Variants in ERBB4 observed in about 807,000 individuals in gnomAD.
ERBB4 encodes the protein receptor tyrosine-protein kinase erbB-4.
Under a neutral mutation model 158.0 loss-of-function variants are expected in ERBB4, and 42 were observed. The observed-to-expected ratio is 0.27, with a 90% CI of 0.21 to 0.34. The LOEUF (loss-of-function observed/expected upper bound fraction) is 0.34. Ranked by LOEUF, ERBB4 falls within the 10% of genes least tolerant of loss-of-function variation. ERBB4 has a pLI of 1.00. For synonymous variants in ERBB4, 583 were observed against 558.7 expected (o/e 1.04, Z -0.61); for missense variants, 1,333 against 1,624.1 (o/e 0.82, Z 3.08).
At chr2:211,816,750 C>G (rs772603413) in intron 3 of ERBB4, among the ~76,000 whole-genome samples, 3 of 152,062 alleles carry the variant, frequency 2.0e-5, no homozygotes, top group Non-Finnish European at 4.4e-5. Flanking sequence ...CTACCACCAA[C>G]AAAACACAGA....
intron 20 of ERBB4, among the ~76,000 whole-genome samples, chr2:211,442,811 C>T (rs1178067832): frequency 1.3e-5 from 2 of 151,954 alleles, no homozygotes; most frequent in Non-Finnish European, 2.9e-5. Context: ...GAGAATTAAA[C>T]ACTAAAATGA....
chr2:212,116,642 T>C (rs1039344880), intron 2 of ERBB4, among the ~76,000 whole-genome samples: 1 of 152,162 alleles, frequency 6.6e-6, no homozygotes, highest in Non-Finnish European at 1.5e-5. Flanking sequence ...AGACAGGGTC[T>C]CACTATGTTA....
intron 1 of ERBB4, among the ~76,000 whole-genome samples, chr2:212,431,332 C>A (rs1336985275): frequency 9.9e-6 from 1 of 101,154 alleles, no homozygotes; most frequent in East Asian, 2.1e-4. Flanking sequence ...AAAAAAAAAC[C>A]TTCGTAACTA....
chr2:211,619,261 A>G lies in ERBB4; in HGVS notation c.2217T>C (p.Pro739=), dbSNP rs557126142. 6.2e-7 allele frequency: 1 copy of G among 1,608,566 alleles called. No individual in the cohort carries two copies. The highest frequency in any genetic ancestry group is 8.5e-7 in the Non-Finnish European group (1 of 1,175,260). The change falls in exon 19 of 28, where the codon CCT becomes CCC. Residue 739 remains proline (P), a synonymous_variant. Coordinates refer to ENST00000342788, the MANE Select transcript of ERBB4 (RefSeq NM_005235.3). ...CAGGAATCTTCACAGTTTCTCCTTCAGGTACCCAAATACCCTTTGGGGAAA... is the reference window on the plus strand; with the variant it reads ...CAGGAATCTTCACAGTTTCTCCTTCGGGTACCCAAATACCCTTTGGGGAAA... ...FGTVYKGIWV[P]EGETVKIPVA...
chr2:211,695,637 TTAA>T (rs2072988568), intron 12 of ERBB4, among the ~76,000 whole-genome samples: 1 of 152,170 alleles, frequency 6.6e-6, no homozygotes, highest in Admixed American at 6.5e-5. Flanking sequence ...TAGCCTCCTG[TTAA>T]TAACATAATA....
intron 7 of ERBB4, among the ~76,000 whole-genome samples, chr2:211,717,849 C>T (rs1255266170): frequency 6.6e-6 from 1 of 152,080 alleles, no homozygotes; most frequent in East Asian, 1.9e-4. Context: ...AAATCTACCC[C>T]CCTCATCCTT....
At chr2:212,485,724 A>C (rs1689937035) in intron 1 of ERBB4, among the ~76,000 whole-genome samples, 1 of 152,182 alleles carries the variant, frequency 6.6e-6, no homozygotes, top group African/African-American at 2.4e-5. Context: ...GTTTATTATT[A>C]TTTCTCAGAG....
At chr2:211,438,975 C>T (rs542129731) in intron 20 of ERBB4, among the ~76,000 whole-genome samples, 1 of 144,142 alleles carries the variant, frequency 6.9e-6, no homozygotes, top group Non-Finnish European at 1.5e-5. Flanking sequence ...CAGATAGTCC[C>T]AATAATATAT....
intron 4 of ERBB4, among the ~76,000 whole-genome samples, chr2:211,757,580 T>C (rs533172058): frequency 1.4e-3 from 219 of 152,250 alleles, no homozygotes; most frequent in African/African-American, 5.2e-3. Context: ...CAAACAGAAG[T>C]GTAAAATGCA....
intron 1 of ERBB4, among the ~76,000 whole-genome samples, chr2:212,473,289 A>T (rs1039435027): frequency 2.0e-5 from 3 of 152,052 alleles, no homozygotes; most frequent in Non-Finnish European, 2.9e-5. Flanking sequence ...TGCAATGGGA[A>T]AATAAGATGA....
At chr2:211,413,675 T>C (rs2063318224) in intron 25 of ERBB4, among the ~76,000 whole-genome samples, 1 of 152,132 alleles carries the variant, frequency 6.6e-6, no homozygotes, top group African/African-American at 2.4e-5. Context: ...GGTTTTCTCT[T>C]CTATGTTCAA....
chr2:211,952,839 T>C (rs1304962728), intron 2 of ERBB4, among the ~76,000 whole-genome samples: 5 of 151,956 alleles, frequency 3.3e-5, no homozygotes, highest in South Asian at 2.1e-4. Flanking sequence ...TCTCTGATAA[T>C]AGCCAGGCAG....
intron 1 of ERBB4, among the ~76,000 whole-genome samples, chr2:212,469,450 C>T (rs1371288097): frequency 1.3e-5 from 2 of 152,200 alleles, no homozygotes; most frequent in African/African-American, 2.4e-5. Context: ...GATAATGATG[C>T]ATCTGCTACA....
At chr2:212,160,191 C>A (rs1258741545) in intron 1 of ERBB4, among the ~76,000 whole-genome samples, 2 of 151,868 alleles carry the variant, frequency 1.3e-5, no homozygotes, top group East Asian at 3.9e-4. Context: ...AGACAAGAAC[C>A]AATTAGTGTC....
At chr2:211,730,937 T>C (rs1042695295) in intron 5 of ERBB4, among the ~76,000 whole-genome samples, 1 of 152,142 alleles carries the variant, frequency 6.6e-6, no homozygotes, top group East Asian at 1.9e-4. Context: ...TGACTGATTA[T>C]TCCTTGTCTG....
At chr2:212,516,953 G>A (rs1201672509) in intron 1 of ERBB4, among the ~76,000 whole-genome samples, 4 of 152,024 alleles carry the variant, frequency 2.6e-5, no homozygotes, top group Non-Finnish European at 5.9e-5. Flanking sequence ...ATGTTTGCAC[G>A]ACTTCCACAA....
At chr2:211,507,067 TTAAC>T (rs142669585) in intron 20 of ERBB4, among the ~76,000 whole-genome samples, 1,665 of 151,894 alleles carry the variant, frequency 0.011, 31 homozygotes, top group African/African-American at 0.038. Context: ...CGATCAGAGA[TTAAC>T]TATGAACATG....
chr2:211,447,448 G>T (rs1180490646), intron 20 of ERBB4, among the ~76,000 whole-genome samples: 2 of 152,034 alleles, frequency 1.3e-5, no homozygotes, highest in African/African-American at 4.8e-5. Context: ...CTTACGCAAA[G>T]ATATGAAAAT....
At chr2:211,627,936 C>T (rs1238184215) in intron 17 of ERBB4, among the ~76,000 whole-genome samples, 2 of 152,100 alleles carry the variant, frequency 1.3e-5, no homozygotes, top group Admixed American at 1.3e-4. Context: ...CAATAACTAC[C>T]ATGCATAATA....
Sources: allele counts gnomAD v4.1 joint callset (sites outside exome capture counted in the v4.1 genomes callset), GRCh38; gene constraint gnomAD v4.1.1; transcripts MANE v1.5; gene names NCBI Gene and HGNC (gene_info 2026-07-23, HGNC 2026-07-21).